Variants in KIF25 observed in about 807,000 individuals in gnomAD.
KIF25 encodes kinesin-like protein KIF25.
A neutral mutation model predicts 32.9 loss-of-function variants in KIF25; 19 were observed. That is an observed-to-expected ratio of 0.58 (90% CI 0.40 to 0.85). KIF25 has a LOEUF of 0.85. KIF25 is among the 40% of genes least tolerant of loss of function. The pLI is 0.00. For synonymous variants in KIF25, 225 were observed against 213.7 expected (o/e 1.05, Z -0.46); for missense variants, 485 against 507.0 (o/e 0.96, Z 0.42).
intron 10 of KIF25, 82 bp from the exon 11 acceptor site, chr6:168,041,887 T>G: frequency 1.4e-6 from 2 of 1,402,154 alleles, no homozygotes; most frequent in Non-Finnish European, 1.9e-6. Context: ...TTCAGAAGCT[T>G]CTCGGCTCTG....
At chr6:168,032,056 A>G (rs924071877) in intron 7 of KIF25, among the ~76,000 whole-genome samples, 4 of 152,234 alleles carry the variant, frequency 2.6e-5, no homozygotes, top group African/African-American at 7.2e-5. Context: ...TAAAGTTCTC[A>G]TTTGCAGAGG....
intron 5 of KIF25, among the ~76,000 whole-genome samples, chr6:168,022,750 T>G (rs1278827441): frequency 6.6e-6 from 1 of 151,394 alleles, no homozygotes; most frequent in Admixed American, 6.6e-5. Flanking sequence ...GGAGTTTTTT[T>G]GATTGTTTGT....
intron 8 of KIF25, among the ~76,000 whole-genome samples, chr6:168,034,819 G>C (rs1276296335): frequency 1.3e-5 from 2 of 152,138 alleles, no homozygotes; most frequent in Non-Finnish European, 2.9e-5. Context: ...CCCGTGTCAT[G>C]ATTTCACCAA....
intron 5 of KIF25, among the ~76,000 whole-genome samples, chr6:168,023,296 C>G (rs1169168285): frequency 8.9e-6 from 1 of 111,894 alleles, no homozygotes; most frequent in African/African-American, 3.4e-5. Flanking sequence ...TTTGAGGAGT[C>G]TTGTTCTGTT....
At chr6:168,006,789 G>A (rs544912237) in intron 4 of KIF25, among the ~76,000 whole-genome samples, 2 of 150,454 alleles carry the variant, frequency 1.3e-5, no homozygotes, top group Non-Finnish European at 3.0e-5. Context: ...TACAAGGCCC[G>A]TCACCTGAAT....
intron 4 of KIF25, among the ~76,000 whole-genome samples, chr6:168,003,991 A>G (rs993904917): frequency 6.6e-6 from 1 of 152,226 alleles, no homozygotes; most frequent in African/African-American, 2.4e-5. Context: ...CCAGGAAAAG[A>G]GATATAAATA....
intron 4 of KIF25, among the ~76,000 whole-genome samples, chr6:168,015,850 C>T (rs1281747608): frequency 6.6e-6 from 1 of 152,200 alleles, no homozygotes; most frequent in Non-Finnish European, 1.5e-5. Context: ...CCTTTGGACT[C>T]AGGCTTGTTT....
intron 8 of KIF25, among the ~76,000 whole-genome samples, chr6:168,035,092 A>G (rs1583142804): frequency 8.1e-6 from 1 of 123,894 alleles, no homozygotes; most frequent in Non-Finnish European, 1.7e-5. Context: ...ACAAAGGCTC[A>G]GGCAAGAGCC....
chr6:168,000,423 C>T (rs1798483661), intron 2 of KIF25, among the ~76,000 whole-genome samples: 1 of 126,148 alleles, frequency 7.9e-6, no homozygotes, highest in Non-Finnish European at 1.7e-5. Context: ...CCACTCCCAT[C>T]CTGTCTACAC....
At chr6:168,031,050 T>C (rs765334094) in intron 7 of KIF25, among the ~76,000 whole-genome samples, 1 of 152,188 alleles carries the variant, frequency 6.6e-6, no homozygotes, top group Non-Finnish European at 1.5e-5. Context: ...TGAGAATGAT[T>C]TGGAGAATGC....
intron 4 of KIF25, among the ~76,000 whole-genome samples, chr6:168,009,400 C>T (rs910441526): frequency 2.0e-5 from 3 of 152,110 alleles, no homozygotes; most frequent in Admixed American, 2.0e-4. Context: ...TTTGAACTGT[C>T]CTCACATTTT....
At chr6:168,025,699 C>T (rs559415350) in intron 5 of KIF25, among the ~76,000 whole-genome samples, 4 of 152,166 alleles carry the variant, frequency 2.6e-5, no homozygotes, top group South Asian at 2.1e-4. Context: ...ATGCACCCTT[C>T]GGTTAAAGTG....
chr6:168,039,725 T>A (rs915225051), intron 9 of KIF25, among the ~76,000 whole-genome samples: 1 of 152,234 alleles, frequency 6.6e-6, no homozygotes, highest in Non-Finnish European at 1.5e-5. Context: ...ACCTTTATTT[T>A]ACAAATCAGA....
Position 167,998,091 on chromosome 6 carries a change from G to C in KIF25, c.-1378G>C, listed in dbSNP as rs765131433. ...TCTTCACAATAGCACCACCTCTCTG[G>C]GTTGCTATAAAGACAAAGGGAGATA... On this transcript the variant is annotated 5_prime_UTR_variant, in exon 1 of 13. Coordinates refer to ENST00000643607, the MANE Select transcript of KIF25 (RefSeq NM_030615.4). 4.0e-5 allele frequency: 6 copies of C among 151,594 alleles called. No individual in the cohort carries two copies. The highest frequency in any genetic ancestry group is 1.3e-4 in the Admixed American group (2 of 15,246). The allele number at this position is 151,594 out of a possible 1,614,324, so 9.4% of individuals were successfully genotyped here.
At chr6:168,038,268 T>C (rs1485581194) in intron 8 of KIF25, among the ~76,000 whole-genome samples, 1 of 152,228 alleles carries the variant, frequency 6.6e-6, no homozygotes, top group Non-Finnish European at 1.5e-5. Flanking sequence ...ATAGTCAGGC[T>C]TCTTCGCCCT....
chr6:168,009,527 G>GT (rs1364249890), intron 4 of KIF25, among the ~76,000 whole-genome samples: 2 of 152,074 alleles, frequency 1.3e-5, no homozygotes, highest in African/African-American at 2.4e-5. Flanking sequence ...TTGGCCTATA[G>GT]TTTTTTGTTA....
intron 12 of KIF25, among the ~76,000 whole-genome samples, chr6:168,043,058 G>T (rs1023816935): frequency 3.9e-5 from 6 of 152,282 alleles, no homozygotes; most frequent in African/African-American, 1.4e-4. Flanking sequence ...GGTCCCTCCG[G>T]CTGTGTAGAC....
intron 2 of KIF25, among the ~76,000 whole-genome samples, chr6:168,000,215 G>A (rs1303320504): frequency 1.9e-5 from 2 of 108,038 alleles, no homozygotes; most frequent in East Asian, 5.8e-4. Context: ...CTCCCATCCT[G>A]ACCACACCTG....
At chr6:168,040,317 G>C in intron 10 of KIF25, 101 bp downstream of exon 10, 8 of 1,229,620 alleles carry the variant, frequency 6.5e-6, no homozygotes, top group Non-Finnish European at 8.8e-6. Context: ...TGTAATCCCA[G>C]CACTTTGGGA....
Sources: gnomAD v4.1 joint callset for allele counts (sites outside exome capture counted in the v4.1 genomes callset) on GRCh38, gnomAD v4.1.1 for gene constraint, MANE v1.5 for transcripts, NCBI Gene and HGNC (gene_info 2026-07-23, HGNC 2026-07-21) for gene names.